SNX29: variants seen among roughly 807,000 people sequenced by gnomAD.
The protein encoded by SNX29 is sorting nexin 29.
A neutral mutation model predicts 102.1 loss-of-function variants in SNX29; 78 were observed. The ratio of observed to expected loss-of-function variants is 0.76; its 90% CI spans 0.64 to 0.92. SNX29 has a LOEUF of 0.92. Among genes scored for constraint, SNX29 ranks in the 40% least tolerant of loss-of-function variants. SNX29 has a pLI of 0.00. For missense variants in SNX29, 1,280 were observed against 1,061.7 expected (o/e 1.21, Z -2.86); for synonymous variants, 580 against 414.5 (o/e 1.40, Z -4.85).
At chr16:12,065,317 G>T (rs2151286249) in intron 9 of SNX29, among the ~76,000 whole-genome samples, 1 of 152,282 alleles carries the variant, frequency 6.6e-6, no homozygotes, top group South Asian at 2.1e-4. Context: ...TTGCTTTCCA[G>T]TTGCAAGGAA....
chr16:12,227,903 A>AAT (rs2077659817), intron 14 of SNX29, among the ~76,000 whole-genome samples: 1 of 134,270 alleles, frequency 7.4e-6, no homozygotes, highest in Non-Finnish European at 1.6e-5. Context: ...CTGTCTTAAA[A>AAT]AAAAAAAAAA....
At chr16:12,046,548 T>C (rs573527077) in intron 6 of SNX29, 94 bp downstream of exon 6, 1 of 1,187,572 alleles carries the variant, frequency 8.4e-7, no homozygotes, top group South Asian at 1.2e-5. Flanking sequence ...GTGTTGTGAT[T>C]CTTCTGTCCC....
At chr16:12,326,376 AG>A (rs1237951914) in intron 15 of SNX29, among the ~76,000 whole-genome samples, 1 of 117,518 alleles carries the variant, frequency 8.5e-6, no homozygotes, top group Non-Finnish European at 1.8e-5. Context: ...TCAGGTTGGG[AG>A]GGGCCCTGGA....
At chr16:12,329,353 G>A (rs1467979399) in intron 15 of SNX29, among the ~76,000 whole-genome samples, 1 of 151,382 alleles carries the variant, frequency 6.6e-6, no homozygotes, top group Admixed American at 6.6e-5. Flanking sequence ...GCAACTGTAG[G>A]CAAAGACCTG....
intron 15 of SNX29, among the ~76,000 whole-genome samples, chr16:12,343,244 C>A (rs1008334285): frequency 5.9e-5 from 9 of 152,224 alleles, no homozygotes; most frequent in African/African-American, 2.2e-4. Flanking sequence ...CTGTGCTTTC[C>A]AGCACCTTGC....
At chr16:12,498,601 GC>G (rs1211660164) in intron 19 of SNX29, among the ~76,000 whole-genome samples, 4 of 152,126 alleles carry the variant, frequency 2.6e-5, no homozygotes, top group Non-Finnish European at 5.9e-5. Context: ...ACAGTTAAGG[GC>G]TCTGTTTGCA....
At chr16:12,433,757 G>A (rs1052568607) in intron 18 of SNX29, among the ~76,000 whole-genome samples, 12 of 152,180 alleles carry the variant, frequency 7.9e-5, no homozygotes, top group Non-Finnish European at 1.5e-5. Context: ...CTGGGGGGCG[G>A]AGGTTGCAGT....
rs577622986 is a variant in SNX29 at position 12,333,384 on chromosome 16, C to A, written c.1783-22779C>A. 2.0e-5 allele frequency among the ~76,000 whole-genome samples: 3 copies of A among 152,140 alleles called. No homozygotes were observed. In the South Asian group the frequency reaches 6.2e-4, roughly 32 times the overall value. On this transcript the variant is annotated intron_variant, in intron 15 of 20. Coordinates refer to ENST00000566228, the MANE Select transcript of SNX29 (RefSeq NM_032167.5). Reference sequence around the variant, plus strand: ...CCTCCCAAAGTGTTGGGATTACAGACGTGAGCCACCGCACCTGGCCGCAAT... The same window carrying A: ...CCTCCCAAAGTGTTGGGATTACAGAAGTGAGCCACCGCACCTGGCCGCAAT...
At chr16:12,351,958 A>G (rs1249275669) in intron 15 of SNX29, among the ~76,000 whole-genome samples, 3 of 152,128 alleles carry the variant, frequency 2.0e-5, no homozygotes, top group African/African-American at 7.2e-5. Context: ...ATACTTACCC[A>G]GTCCCCTTTG....
chr16:12,190,841 G>A (rs560482911), intron 13 of SNX29, among the ~76,000 whole-genome samples: 36 of 152,262 alleles, frequency 2.4e-4, no homozygotes, highest in African/African-American at 8.4e-4. Flanking sequence ...AACCCGGGAG[G>A]AGCCTTTCCA....
At chr16:12,041,507 G>T (rs2049878729) in intron 4 of SNX29, among the ~76,000 whole-genome samples, 1 of 152,240 alleles carries the variant, frequency 6.6e-6, no homozygotes, top group South Asian at 2.1e-4. Context: ...CTGGAGGTCA[G>T]AAGTCCCCAA....
intron 13 of SNX29, among the ~76,000 whole-genome samples, chr16:12,156,927 G>A (rs1180961011): frequency 6.6e-6 from 1 of 152,172 alleles, no homozygotes; most frequent in Non-Finnish European, 1.5e-5. Flanking sequence ...GGGCCTGCCG[G>A]GTGGCTGGGC....
At chr16:12,425,465 A>G (rs896440053) in intron 18 of SNX29, among the ~76,000 whole-genome samples, 3 of 149,096 alleles carry the variant, frequency 2.0e-5, no homozygotes, top group African/African-American at 7.4e-5. Context: ...CCCTGGCTGC[A>G]CACGTAATTC....
At chr16:12,545,545 G>T (rs11864565) in intron 20 of SNX29, 1 of 152,188 alleles carries the variant, frequency 6.6e-6, no homozygotes, top group South Asian at 2.1e-4. Context: ...GCCAGCAGAC[G>T]ACTTATGGAG....
intron 14 of SNX29, among the ~76,000 whole-genome samples, chr16:12,228,424 C>G (rs1311911810): frequency 6.6e-6 from 1 of 152,234 alleles, no homozygotes; most frequent in Non-Finnish European, 1.5e-5. Context: ...CTTTACCTTG[C>G]CTCCAGCACA....
At chr16:12,203,153 T>G (rs1184054503) in intron 14 of SNX29, among the ~76,000 whole-genome samples, 140 of 77,172 alleles carry the variant, frequency 1.8e-3, no homozygotes, top group Non-Finnish European at 2.0e-3. Context: ...AAGTTGTATA[T>G]CGTGGCCCCA....
Position 12,568,600 on chromosome 16 carries a change from A to C in SNX29, c.2413A>C (p.Asn805His), listed in dbSNP as rs780473002. The C allele has an allele frequency of 6.2e-7, 1 of 1,605,558 alleles. No individual in the cohort carries two copies. Among genetic ancestry groups the C allele is most frequent in the South Asian group, 1.1e-5 (1 of 91,078 alleles). Residue 805 changes from asparagine to histidine, a missense_variant, in exon 21 of 21, where the codon AAC becomes CAC. Transcript: ENST00000566228. ...CCGGGGTCAGCCCCGGGAGACCCGC[A>C]ACGTGGAGCCCCAGAGCGGTGACCT... Reference protein sequence around the residue: ...LSRGQPRETRNVEPQSGDL With the variant: ...LSRGQPRETRHVEPQSGDL
intron 20 of SNX29, among the ~76,000 whole-genome samples, chr16:12,540,019 C>G (rs1018288579): frequency 2.6e-5 from 4 of 152,146 alleles, no homozygotes; most frequent in Admixed American, 1.3e-4. Context: ...TGCATGACAC[C>G]TTTTTAATTT....
At chr16:12,104,693 A>G (rs1438373851) in intron 11 of SNX29, among the ~76,000 whole-genome samples, 1 of 152,186 alleles carries the variant, frequency 6.6e-6, no homozygotes, top group African/African-American at 2.4e-5. Context: ...TATTTTCATA[A>G]AGTGTAGTTG....
Sources: gnomAD v4.1 joint callset for allele counts (sites outside exome capture counted in the v4.1 genomes callset) on GRCh38, gnomAD v4.1.1 for gene constraint, MANE v1.5 for transcripts, NCBI Gene and HGNC (gene_info 2026-07-23, HGNC 2026-07-21) for gene names.